Variants in LZIC observed in about 807,000 individuals in gnomAD.
LZIC encodes leucine zipper and CTNNBIP1 domain containing.
Under a neutral mutation model 25.4 loss-of-function variants are expected in LZIC, and 28 were observed. The observed-to-expected ratio is 1.10, with a 90% CI of 0.82 to 1.51. The LOEUF (loss-of-function observed/expected upper bound fraction) is 1.51. Ranked by LOEUF, LZIC falls within the 40% of genes most tolerant of loss-of-function variation. LZIC has a pLI of 0.00. For synonymous variants in LZIC, 65 were observed against 70.7 expected (o/e 0.92, Z 0.40); for missense variants, 170 against 211.1 (o/e 0.81, Z 1.21).
intron 3 of LZIC, 114 bp downstream of exon 3, chr1:9,936,405 T>C: frequency 2.9e-6 from 2 of 682,828 alleles, no homozygotes; most frequent in South Asian, 3.7e-5. Context: ...GACAAAGCAC[T>C]GCAAAGAACA....
rs545500493 is a variant in LZIC, at chr1:9,932,670, C to T, written c.432+133G>A. The T allele has an allele frequency of 2.4e-5, 12 of 501,550 alleles. No individual in the cohort carries two copies. The Admixed American group carries it at 2.7e-4, about 11-fold the overall frequency. The allele number at this position is 501,550 out of a possible 1,614,324, so 31.1% of individuals were successfully genotyped here. On this transcript the variant is annotated intron_variant, in intron 6 of 7. Coordinates refer to ENST00000377223, the MANE Select transcript of LZIC (RefSeq NM_032368.5). ...TGCACTCCAGCCTGGGCAACAAGAGCGGAACTCCGTCTCAGAAAAAAAAAA... is the reference window on the plus strand; with the variant it reads ...TGCACTCCAGCCTGGGCAACAAGAGTGGAACTCCGTCTCAGAAAAAAAAAA...
At chr1:9,933,358 A>G (rs1640321794) in intron 5 of LZIC, among the ~76,000 whole-genome samples, 1 of 150,446 alleles carries the variant, frequency 6.6e-6, no homozygotes, top group African/African-American at 2.4e-5. Context: ...CTAGCTGATT[A>G]ATATTATAAA....
intron 4 of LZIC, 23 bp downstream of exon 4, chr1:9,935,469 T>C (rs200690929): frequency 2.5e-6 from 4 of 1,575,180 alleles, no homozygotes; most frequent in Non-Finnish European, 3.4e-6. Context: ...GTCTGTCCTC[T>C]GTCGCCTATA....
At chr1:9,932,033 C>A in intron 6 of LZIC, 61 bp from the exon 7 acceptor site, 1 of 1,270,286 alleles carries the variant, frequency 7.9e-7, no homozygotes, top group Non-Finnish European at 1.1e-6. Context: ...TTCTAGAAAC[C>A]AGGTAAGAAT....
intron 2 of LZIC, among the ~76,000 whole-genome samples, chr1:9,937,670 G>A (rs1557443031): frequency 6.6e-6 from 1 of 151,516 alleles, no homozygotes; most frequent in African/African-American, 2.4e-5. Flanking sequence ...AATATAGTGA[G>A]ACTTCATCTC....
At chr1:9,932,173 A>C (rs1208844166) in intron 6 of LZIC, 1 of 458,298 alleles carries the variant, frequency 2.2e-6, no homozygotes, top group Non-Finnish European at 3.9e-6. Flanking sequence ...ATGAAACCCC[A>C]TTTCTATTAA....
At chr1:9,938,164 T>G (rs1570648064) in intron 2 of LZIC, among the ~76,000 whole-genome samples, 2 of 152,150 alleles carry the variant, frequency 1.3e-5, no homozygotes, top group African/African-American at 4.8e-5. Flanking sequence ...ACCTAATTAC[T>G]TGTGAGCATG....
chr1:9,932,654 G>C (rs1230753198), intron 6 of LZIC, 149 bp downstream of exon 6: 1 of 509,448 alleles, frequency 2.0e-6, no homozygotes, highest in African/African-American at 2.2e-5. Context: ...TTGCACTCCA[G>C]CCTGGGCAAC....
downstream of LZIC, among the ~76,000 whole-genome samples, chr1:9,925,848 A>G (rs1336488761): frequency 6.7e-6 from 1 of 150,194 alleles, no homozygotes; most frequent in East Asian, 2.0e-4. Context: ...TTGGCCTACC[A>G]AAGTGCTGGG....
Position 9,929,407 on chromosome 1 carries a change from C to T in LZIC, c.*992G>A, listed in dbSNP as rs1007096233. The stretch of plus-strand genomic sequence containing the variant: ...ATATACACGCATAGGGACACATCTG[C>T]ATATTTGAGCATACAGAGACATGTA... On this transcript the variant is annotated 3_prime_UTR_variant, in exon 8 of 8. Transcript: ENST00000377223. 1 of 985,218 alleles carries T rather than the reference C, an allele frequency of 1.0e-6. No individual in the cohort carries two copies. The highest frequency in any genetic ancestry group is 1.7e-5 in the African/African-American group (1 of 57,240). The allele number at this position is 985,218 out of a possible 1,614,324, so 61.0% of individuals were successfully genotyped here. A position where few individuals can be genotyped will look rare whatever the true frequency, so the allele number is the denominator to read the frequency against.
rs915973735 is a variant in LZIC at position 9,926,645 on chromosome 1, A to G, written c.*3754T>C. On this transcript the variant is annotated 3_prime_UTR_variant, in exon 8 of 8. Transcript: ENST00000377223. ...TGTTTAAAACACTAGATTTCATTCA[A>G]TGGTCCGATTGGACACTTGCTCATT... 3.3e-5 allele frequency among the ~76,000 whole-genome samples: 5 copies of G among 152,246 alleles called. No homozygotes were observed. The highest frequency in any genetic ancestry group is 6.5e-5 in the Admixed American group (1 of 15,282).
In LZIC at chr1:9,932,797, TG is replaced by T; in HGVS notation, c.432+5del. On this transcript the variant is annotated splice_donor_5th_base_variant and intron_variant, in intron 6 of 7. Coordinates refer to ENST00000377223, the MANE Select transcript of LZIC (RefSeq NM_032368.5). ...TCTTTGTAACTAATATATTAAATAC[TG>T]GTACCTTCTCTCCAAGTTTCCTAAG... 1 of 1,520,466 alleles carries T rather than the reference TG, an allele frequency of 6.6e-7. No homozygotes were observed. Among genetic ancestry groups the T allele is most frequent in the Non-Finnish European group, 9.1e-7 (1 of 1,095,786 alleles). The allele number at this position is 1,520,466 out of a possible 1,614,324, so 94.2% of individuals were successfully genotyped here.
At chr1:9,941,080 T>C (rs1640703552) in intron 2 of LZIC, among the ~76,000 whole-genome samples, 2 of 152,196 alleles carry the variant, frequency 1.3e-5, no homozygotes, top group Non-Finnish European at 2.9e-5. Context: ...TTCTTCAAAG[T>C]CTAGTTCAAG....
At chr1:9,931,789 A>G in intron 7 of LZIC, 102 bp downstream of exon 7, 3 of 689,576 alleles carry the variant, frequency 4.4e-6, no homozygotes, top group Non-Finnish European at 7.2e-6. Flanking sequence ...TCTTAAACTC[A>G]AGGAAAGGTT....
At chr1:9,931,776 C>T (rs1640221245) in intron 7 of LZIC, 115 bp downstream of exon 7, 1 of 576,292 alleles carries the variant, frequency 1.7e-6, no homozygotes, top group African/African-American at 1.9e-5. Flanking sequence ...ATTCTGGTTT[C>T]ACTCTTAAAC....
At chr1:9,938,936 C>T (rs1220401) in intron 2 of LZIC, among the ~76,000 whole-genome samples, 9 of 152,140 alleles carry the variant, frequency 5.9e-5, no homozygotes, top group Non-Finnish European at 8.8e-5. Context: ...CAAAAACACC[C>T]TTTACTAATC....
intron 2 of LZIC, among the ~76,000 whole-genome samples, chr1:9,941,875 A>G (rs911449131): frequency 3.9e-5 from 6 of 152,136 alleles, no homozygotes; most frequent in African/African-American, 1.4e-4. Context: ...TGGTAGATGA[A>G]TAATGAGAAT....
At chr1:9,933,105 A>T (rs1295683901) in intron 5 of LZIC, among the ~76,000 whole-genome samples, 1 of 151,570 alleles carries the variant, frequency 6.6e-6, no homozygotes, top group Non-Finnish European at 1.5e-5. Context: ...ATACAAAAAA[A>T]GTAGCCAGGC....
rs1289541321 is a variant in LZIC at position 9,927,027 on chromosome 1, T to C, written c.*3372A>G. 6.6e-6 allele frequency among the ~76,000 whole-genome samples: 1 copy of C among 152,168 alleles called. No homozygotes were observed. The highest frequency in any genetic ancestry group is 2.4e-5 in the African/African-American group (1 of 41,452). ...CTTTACGTGCATTAACAGAGGGGAA[T>C]GCATAATAATCCTATGAGGTAGGCC... On this transcript the variant is annotated 3_prime_UTR_variant, in exon 8 of 8. Coordinates refer to ENST00000377223, the MANE Select transcript of LZIC (RefSeq NM_032368.5).
Sources: gnomAD v4.1 joint callset for allele counts (sites outside exome capture counted in the v4.1 genomes callset) on GRCh38, gnomAD v4.1.1 for gene constraint, MANE v1.5 for transcripts, NCBI Gene and HGNC (gene_info 2026-07-23, HGNC 2026-07-21) for gene names.